Variants in EXOC6B observed in about 807,000 individuals in gnomAD.
EXOC6B encodes exocyst complex component 6B, also known as SEC15 homolog B.
Under a neutral mutation model 113.5 loss-of-function variants are expected in EXOC6B, and 54 were observed. That is an observed-to-expected ratio of 0.48 (90% CI 0.38 to 0.60). The LOEUF (loss-of-function observed/expected upper bound fraction) is 0.60, where lower values mean the gene tolerates loss of function less well. EXOC6B is among the 20% of genes least tolerant of loss of function. The pLI is 0.00. For synonymous variants in EXOC6B, 357 were observed against 339.0 expected, an observed-to-expected ratio of 1.05 and a Z score of -0.58; for missense variants, 797 against 977.5, an observed-to-expected ratio of 0.82 and a Z score of 2.46.
At chr2:72,501,097 T>C (rs1184970996) in intron 11 of EXOC6B, among the ~76,000 whole-genome samples, 2 of 152,204 alleles carry the variant, frequency 1.3e-5, no homozygotes, top group East Asian at 1.9e-4. Context: ...TCTTAATATA[T>C]GAATATCTCC....
intron 8 of EXOC6B, among the ~76,000 whole-genome samples, chr2:72,546,634 C>G (rs916744131): frequency 2.0e-5 from 3 of 152,210 alleles, no homozygotes; most frequent in African/African-American, 7.2e-5. Flanking sequence ...TTCTAAATCT[C>G]TGCTCTGCAT....
chr2:72,482,909 C>T (rs531066327), intron 16 of EXOC6B, among the ~76,000 whole-genome samples: 1 of 152,168 alleles, frequency 6.6e-6, no homozygotes, highest in African/African-American at 2.4e-5. Context: ...CGAATAAATT[C>T]TCTTAGATGA....
At chr2:72,206,699 TA>T (rs888310284) in intron 20 of EXOC6B, among the ~76,000 whole-genome samples, 1 of 152,122 alleles carries the variant, frequency 6.6e-6, no homozygotes, top group African/African-American at 2.4e-5. Flanking sequence ...CCACAGAGAC[TA>T]ACAAAAAGCT....
chr2:72,563,644 A>T (rs1439881316), intron 7 of EXOC6B, among the ~76,000 whole-genome samples: 1 of 152,162 alleles, frequency 6.6e-6, no homozygotes, highest in African/African-American at 2.4e-5. Context: ...AGATATACAG[A>T]TTTAGCATAG....
chr2:72,605,456 G>T (rs1173117564), intron 6 of EXOC6B, among the ~76,000 whole-genome samples: 1 of 152,042 alleles, frequency 6.6e-6, no homozygotes, highest in Admixed American at 6.5e-5. Flanking sequence ...TTATATAATT[G>T]TCCTCTCAGC....
intron 1 of EXOC6B, among the ~76,000 whole-genome samples, chr2:72,744,275 T>A (rs964370344): frequency 1.3e-5 from 2 of 152,200 alleles, no homozygotes; most frequent in Non-Finnish European, 1.5e-5. Flanking sequence ...TGACTGTACA[T>A]GTTTGGCTTC....
rs533752322 is a variant in EXOC6B, at chr2:72,702,165, T to C, written c.669+15938A>G. Reference sequence around the variant, plus strand: ...CAGTTCCCACCTATGAGTGAGAATATGCGGTGTTTGGTTTTTTGTTCTTGC... The same window carrying C: ...CAGTTCCCACCTATGAGTGAGAATACGCGGTGTTTGGTTTTTTGTTCTTGC... On this transcript the variant is annotated intron_variant, in intron 6 of 21. Coordinates refer to ENST00000272427, the MANE Select transcript of EXOC6B (RefSeq NM_015189.3). 6.0e-5 allele frequency among the ~76,000 whole-genome samples: 9 copies of C among 150,698 alleles called. 1 individual carries two copies. The East Asian group carries it at 1.4e-3, about 23-fold the overall frequency.
At chr2:72,487,567 G>T (rs1699500501) in intron 16 of EXOC6B, among the ~76,000 whole-genome samples, 1 of 152,060 alleles carries the variant, frequency 6.6e-6, no homozygotes, top group Non-Finnish European at 1.5e-5. Flanking sequence ...CGCCATGTTG[G>T]CCAGGATGGT....
At chr2:72,179,602 C>T (rs1677959442) in intron 21 of EXOC6B, 141 bp from the exon 22 acceptor site, 3 of 943,748 alleles carry the variant, frequency 3.2e-6, no homozygotes, top group Non-Finnish European at 4.8e-6. Flanking sequence ...ACTGTCAGGC[C>T]CACACTCACC....
At chr2:72,636,904 T>C (rs1039659739) in intron 6 of EXOC6B, among the ~76,000 whole-genome samples, 2 of 151,872 alleles carry the variant, frequency 1.3e-5, no homozygotes, top group African/African-American at 4.8e-5. Context: ...TGATAACCTA[T>C]GTAGATTATT....
At position 72,367,476 on chromosome 2, in the gene EXOC6B, A is replaced by T. The variant is rs1690702320; in HGVS notation, c.2122+12253T>A. Reference sequence around the variant, plus strand: ...GAATAAGATGGTAGAATATATGATTACATCATTTGTCTGATTCCTCCCTCC... The same window carrying T: ...GAATAAGATGGTAGAATATATGATTTCATCATTTGTCTGATTCCTCCCTCC... On this transcript the variant is annotated intron_variant, in intron 19 of 21. Transcript: ENST00000272427. Among the ~76,000 whole-genome samples the T allele has an allele frequency of 2.0e-5, 3 of 152,226 alleles. No individual in the cohort carries two copies. The South Asian group carries it at 6.2e-4, about 31-fold the overall frequency.
chr2:72,580,303 G>A (rs1470320721), intron 6 of EXOC6B, among the ~76,000 whole-genome samples: 6 of 151,568 alleles, frequency 4.0e-5, no homozygotes, highest in African/African-American at 1.5e-4. Context: ...CACCATGCTC[G>A]GCTCTGTTTT....
intron 6 of EXOC6B, among the ~76,000 whole-genome samples, chr2:72,606,635 C>T (rs11126377): frequency 0.89 from 131,889 of 148,522 alleles, 58,481 homozygotes; most frequent in East Asian, 0.99. Context: ...TTCTTTCTTT[C>T]TTTTTTTTTT....
chr2:72,225,668 C>T (rs1206683340), intron 20 of EXOC6B, among the ~76,000 whole-genome samples: 1 of 152,104 alleles, frequency 6.6e-6, no homozygotes, highest in Non-Finnish European at 1.5e-5. Context: ...ACAAATCTAC[C>T]CCTTGGTATA....
intron 18 of EXOC6B, among the ~76,000 whole-genome samples, chr2:72,382,855 A>T (rs1313802379): frequency 6.6e-6 from 1 of 152,152 alleles, no homozygotes; most frequent in Non-Finnish European, 1.5e-5. Context: ...CAGGAAGGCT[A>T]CTGATTTTTG....
intron 1 of EXOC6B, among the ~76,000 whole-genome samples, chr2:72,804,468 G>A (rs182710571): frequency 1.8e-3 from 274 of 152,104 alleles, no homozygotes; most frequent in Non-Finnish European, 2.5e-3. Flanking sequence ...TCTGATGAAC[G>A]GAACCTAATG....
At chr2:72,205,762 T>C (rs1679804421) in intron 20 of EXOC6B, among the ~76,000 whole-genome samples, 1 of 152,232 alleles carries the variant, frequency 6.6e-6, no homozygotes, top group Non-Finnish European at 1.5e-5. Flanking sequence ...GATCTCTTGC[T>C]GCTTTTAAGA....
intron 6 of EXOC6B, among the ~76,000 whole-genome samples, chr2:72,652,602 T>G (rs1286265796): frequency 2.0e-5 from 3 of 151,102 alleles, no homozygotes; most frequent in African/African-American, 7.3e-5. Context: ...GTGAGGCTAC[T>G]TAAAGACTAG....
intron 20 of EXOC6B, among the ~76,000 whole-genome samples, chr2:72,282,519 G>A (rs1685186774): frequency 6.6e-6 from 1 of 151,570 alleles, no homozygotes. Flanking sequence ...AAAAAGAAAG[G>A]GAGAAACAGA....
Sources: allele counts gnomAD v4.1 joint callset (sites outside exome capture counted in the v4.1 genomes callset), GRCh38; gene constraint gnomAD v4.1.1; transcripts MANE v1.5; gene names NCBI Gene and HGNC (gene_info 2026-07-23, HGNC 2026-07-21).